PPP2R2C: variants seen among roughly 807,000 people sequenced by gnomAD.
PPP2R2C encodes protein phosphatase 2, regulatory subunit B, gamma.
Under a neutral mutation model 45.3 loss-of-function variants are expected in PPP2R2C, and 10 were observed. The ratio of observed to expected loss-of-function variants is 0.22; its 90% confidence interval spans 0.14 to 0.37. The LOEUF (loss-of-function observed/expected upper bound fraction) is 0.37, where lower values mean the gene tolerates loss of function less well. Among genes scored for constraint, PPP2R2C ranks in the 10% least tolerant of loss-of-function variants. The probability of loss-of-function intolerance (pLI) is 1.00; values close to 1 mark genes in which losing one functional copy is unlikely to be tolerated. For missense variants in PPP2R2C, 308 were observed against 619.7 expected, an observed-to-expected ratio of 0.50 and a Z score of 5.34; for synonymous variants, 257 against 245.4, an observed-to-expected ratio of 1.05 and a Z score of -0.44.
intron 2 of PPP2R2C, among the ~76,000 whole-genome samples, chr4:6,508,883 A>G (rs577154803): frequency 6.6e-6 from 1 of 152,358 alleles, no homozygotes; most frequent in South Asian, 2.1e-4. Flanking sequence ...AGAGAGGCAC[A>G]AAATCCCAGA....
chr4:6,417,553 C>G (rs1470479257), intron 1 of PPP2R2C, among the ~76,000 whole-genome samples: 1 of 152,250 alleles, frequency 6.6e-6, no homozygotes, highest in Admixed American at 6.5e-5. Flanking sequence ...GGGCATGTTT[C>G]CATGCCCAGT....
intron 5 of PPP2R2C, chr4:6,349,924 C>G (rs1352405560): frequency 1.0e-6 from 1 of 985,142 alleles, no homozygotes; most frequent in Non-Finnish European, 1.2e-6. Context: ...TCTGACCTCT[C>G]TAAACCCGAG....
rs1716634971 is a variant in PPP2R2C, at chr4:6,391,450, A to C, written c.71-10356T>G. Among the ~76,000 whole-genome samples the C allele has an allele frequency of 2.0e-5, 3 of 152,242 alleles. No individual in the cohort carries two copies. The South Asian group carries it at 6.2e-4, about 31-fold the overall frequency. On this transcript the variant is annotated intron_variant, in intron 1 of 8. Transcript: ENST00000382599. ...CTGGGCCTCGCCAGGCAAGTCCTGG[A>C]CTTAATATCACCTCCCCTGAGCTTG...
chr4:6,445,804 C>G (rs1284182630), intron 1 of PPP2R2C, among the ~76,000 whole-genome samples: 1 of 149,404 alleles, frequency 6.7e-6, no homozygotes, highest in African/African-American at 2.5e-5. Context: ...AGCAGGGAGG[C>G]CTGGCTCTAA....
At chr4:6,514,605 T>G (rs1723775499) in intron 2 of PPP2R2C, among the ~76,000 whole-genome samples, 2 of 152,024 alleles carry the variant, frequency 1.3e-5, no homozygotes, top group Admixed American at 1.3e-4. Flanking sequence ...GCTGGGGAGG[T>G]TCAGACACCG....
chr4:6,346,871 C>T (rs1712005424), intron 6 of PPP2R2C, among the ~76,000 whole-genome samples: 1 of 152,304 alleles, frequency 6.6e-6, no homozygotes, highest in South Asian at 2.1e-4. Context: ...GTTTATTCAA[C>T]AAGTGTTTAT....
At chr4:6,346,711 G>C (rs769415931) in intron 6 of PPP2R2C, among the ~76,000 whole-genome samples, 1 of 152,130 alleles carries the variant, frequency 6.6e-6, no homozygotes, top group Non-Finnish European at 1.5e-5. Context: ...TGGAGGTTTT[G>C]GTGGGCCCTG....
chr4:6,398,661 G>A (rs752899278), intron 1 of PPP2R2C, among the ~76,000 whole-genome samples: 5 of 152,264 alleles, frequency 3.3e-5, no homozygotes, highest in Admixed American at 6.5e-5. Context: ...AATGAAAAAC[G>A]ATAGAGCCCC....
intron 5 of PPP2R2C, among the ~76,000 whole-genome samples, chr4:6,351,604 G>A (rs1184872782): frequency 6.6e-6 from 1 of 152,176 alleles, no homozygotes; most frequent in African/African-American, 2.4e-5. Context: ...CGGATACGGT[G>A]GCTGCTGTGA....
intron 8 of PPP2R2C, among the ~76,000 whole-genome samples, chr4:6,326,627 G>C (rs6446491): frequency 0.51 from 77,402 of 152,104 alleles, 20,382 homozygotes; most frequent in East Asian, 0.87. Flanking sequence ...ATCACACATG[G>C]TCTCATCCCC....
intron 2 of PPP2R2C, among the ~76,000 whole-genome samples, chr4:6,508,835 G>A (rs756978069): frequency 4.6e-5 from 7 of 152,264 alleles, no homozygotes; most frequent in Non-Finnish European, 7.4e-5. Flanking sequence ...AGGCCACTGC[G>A]CATATGGACA....
chr4:6,486,685 TGTTA>T (rs1722539524), intron 2 of PPP2R2C, among the ~76,000 whole-genome samples: 1 of 152,144 alleles, frequency 6.6e-6, no homozygotes, highest in Admixed American at 6.5e-5. Flanking sequence ...CTTTGATTAG[TGTTA>T]GTTAACGCAA....
At chr4:6,557,125 T>TAC (rs1725427535) in intron 1 of PPP2R2C, among the ~76,000 whole-genome samples, 1 of 152,234 alleles carries the variant, frequency 6.6e-6, no homozygotes, top group Admixed American at 6.5e-5. Context: ...CATTTTTAAC[T>TAC]ACACTGTACT....
rs2108770739 is a variant in PPP2R2C at position 6,471,972 on chromosome 4, C to CA, written c.70+187_70+188insT. ...GGCAGCGGAGGCCGGTACCCTCGGG[C>CA]TCCCTCCCTCCTGGGCCCCGGGCAG... On this transcript the variant is annotated intron_variant, in intron 1 of 8. Coordinates refer to ENST00000382599, the MANE Select transcript of PPP2R2C (RefSeq NM_020416.4). This position sits in a 1 kb window ranked among gnomAD's most constrained non-coding sequence, Gnocchi z 5.6. Among the ~76,000 whole-genome samples the CA allele has an allele frequency of 6.9e-6, 1 of 144,360 alleles. No individual in the cohort carries two copies. The highest frequency in any genetic ancestry group is 2.2e-4 in the South Asian group (1 of 4,460). The allele number at this position is 144,360 out of a possible 152,430, so 94.7% of individuals were successfully genotyped here.
intron 1 of PPP2R2C, chr4:6,381,716 C>T: frequency 6.4e-7 from 1 of 1,571,840 alleles, no homozygotes; most frequent in Non-Finnish European, 8.6e-7. Flanking sequence ...CCCTGCACTT[C>T]ATCCCAACCA....
At chr4:6,323,703 C>CG (rs1731714402) in intron 8 of PPP2R2C, 110 bp from the exon 9 acceptor site, 7 of 1,151,824 alleles carry the variant, frequency 6.1e-6, no homozygotes, top group Non-Finnish European at 8.1e-6. Flanking sequence ...TGGGAGGCCC[C>CG]GGTGGGAGGA....
At chr4:6,504,996 G>A (rs1176776179) in intron 2 of PPP2R2C, among the ~76,000 whole-genome samples, 3 of 152,090 alleles carry the variant, frequency 2.0e-5, no homozygotes, top group Admixed American at 6.6e-5. Flanking sequence ...ATAAAGGCAC[G>A]TCATAGTTAA....
chr4:6,452,056 C>T (rs1720764854), intron 1 of PPP2R2C, among the ~76,000 whole-genome samples: 1 of 152,096 alleles, frequency 6.6e-6, no homozygotes, highest in Non-Finnish European at 1.5e-5. Flanking sequence ...TCACAGCACC[C>T]CTCCTCTGCC....
At chr4:6,336,704 C>G (rs1732915433) in intron 6 of PPP2R2C, among the ~76,000 whole-genome samples, 1 of 25,872 alleles carries the variant, frequency 3.9e-5, no homozygotes. Context: ...TCCATCCCTC[C>G]CTCCCTCCCT....
Sources: gnomAD v4.1 joint callset for allele counts (sites outside exome capture counted in the v4.1 genomes callset) on GRCh38, gnomAD v4.1.1 for gene constraint, Gnocchi (gnomAD v3.1) non-coding constraint, MANE v1.5 for transcripts, NCBI Gene and HGNC (gene_info 2026-07-23, HGNC 2026-07-21) for gene names.